Variants in KCNIP4 observed in about 807,000 individuals in gnomAD.
KCNIP4 encodes Kv channel-interacting protein 4.
In KCNIP4, 12 loss-of-function variants were observed where a neutral mutation model predicts 34.0. The ratio of observed to expected loss-of-function variants is 0.35; its 90% CI spans 0.23 to 0.57. The LOEUF (loss-of-function observed/expected upper bound fraction) is 0.57. KCNIP4 is among the 20% of genes least tolerant of loss of function. The pLI, the probability that KCNIP4 is intolerant of heterozygous loss-of-function variation, is 0.83. For synonymous variants in KCNIP4, 124 were observed against 102.2 expected, an observed-to-expected ratio of 1.21 and a Z score of -1.29; for missense variants, 238 against 311.7, an observed-to-expected ratio of 0.76 and a Z score of 1.78.
At chr4:21,928,811 C>G (rs1729408329) in intron 1 of KCNIP4, among the ~76,000 whole-genome samples, 1 of 151,892 alleles carries the variant, frequency 6.6e-6, no homozygotes, top group African/African-American at 2.4e-5. Flanking sequence ...CTCCCCAAAC[C>G]TAATTTATTC....
intron 1 of KCNIP4, among the ~76,000 whole-genome samples, chr4:21,675,274 A>G (rs1749801927): frequency 6.6e-6 from 1 of 152,158 alleles, no homozygotes; most frequent in Non-Finnish European, 1.5e-5. Flanking sequence ...TATAGAGAGT[A>G]GAATGTCGGT....
At chr4:21,883,981 C>A (rs1224268516) in intron 1 of KCNIP4, among the ~76,000 whole-genome samples, 2 of 152,066 alleles carry the variant, frequency 1.3e-5, no homozygotes, top group Non-Finnish European at 2.9e-5. Flanking sequence ...CACATCATCA[C>A]TTGCTGGGAA....
chr4:21,789,282 T>C (rs1720118656), intron 1 of KCNIP4, among the ~76,000 whole-genome samples: 1 of 152,170 alleles, frequency 6.6e-6, no homozygotes, highest in African/African-American at 2.4e-5. Context: ...TGGGAATGAT[T>C]GTGTCTTTCA....
intron 1 of KCNIP4, among the ~76,000 whole-genome samples, chr4:21,596,093 T>C (rs1289448612): frequency 6.6e-6 from 1 of 152,108 alleles, no homozygotes; most frequent in Non-Finnish European, 1.5e-5. Context: ...CCAACTCTCT[T>C]AATTGTTCAG....
intron 5 of KCNIP4, among the ~76,000 whole-genome samples, chr4:20,748,289 G>C (rs746700918): frequency 3.3e-5 from 5 of 151,926 alleles, no homozygotes; most frequent in Non-Finnish European, 7.4e-5. Context: ...TCCCAGGCCT[G>C]ATATACTCTG....
intron 1 of KCNIP4, among the ~76,000 whole-genome samples, chr4:21,775,896 C>T (rs1719140444): frequency 6.6e-6 from 1 of 152,146 alleles, no homozygotes; most frequent in South Asian, 2.1e-4. Context: ...GTTGTGAGTC[C>T]CAGCGCTGGC....
intron 1 of KCNIP4, among the ~76,000 whole-genome samples, chr4:21,526,923 T>C (rs1736020240): frequency 6.6e-6 from 1 of 152,202 alleles, no homozygotes; most frequent in Non-Finnish European, 1.5e-5. Flanking sequence ...TTATCAGATA[T>C]AACCCACAAC....
At chr4:21,150,570 T>C (rs1425286714) in intron 1 of KCNIP4, among the ~76,000 whole-genome samples, 1 of 152,210 alleles carries the variant, frequency 6.6e-6, no homozygotes, top group Non-Finnish European at 1.5e-5. Context: ...TTTGCATGTA[T>C]GCATTGGAGG....
At chr4:21,331,001 T>C (rs1715577605) in intron 1 of KCNIP4, among the ~76,000 whole-genome samples, 1 of 152,184 alleles carries the variant, frequency 6.6e-6, no homozygotes, top group Non-Finnish European at 1.5e-5. Context: ...GATTAACTCC[T>C]AATTTGTTCC....
chr4:21,473,721 T>C (rs1269316444), intron 1 of KCNIP4, among the ~76,000 whole-genome samples: 3 of 151,740 alleles, frequency 2.0e-5, no homozygotes, highest in Non-Finnish European at 4.4e-5. Context: ...AATTCTTTTT[T>C]TTTTTTTTTT....
chr4:21,556,922 G>GAAAAAAAAAAAAAAAAAAAAAAAAAA (rs1253971751), intron 1 of KCNIP4, among the ~76,000 whole-genome samples: 1 of 70,846 alleles, frequency 1.4e-5, no homozygotes, highest in Non-Finnish European at 2.7e-5. Flanking sequence ...CTCCATCTCA[G>GAAAAAAAAAAAAAAAAAAAAAAAAAA]AAAAAAAAAA....
At chr4:21,234,373 AC>A (rs1278341262) in intron 1 of KCNIP4, among the ~76,000 whole-genome samples, 1 of 110,248 alleles carries the variant, frequency 9.1e-6, no homozygotes, top group Non-Finnish European at 1.8e-5. Flanking sequence ...ATAATATATA[AC>A]ATACATCATA....
At chr4:20,798,765 C>A (rs1186707716) in intron 3 of KCNIP4, among the ~76,000 whole-genome samples, 1 of 152,084 alleles carries the variant, frequency 6.6e-6, no homozygotes, top group African/African-American at 2.4e-5. Flanking sequence ...ATAAAGACGA[C>A]CCCAGCAATT....
At chr4:20,752,477 C>T (rs1326737290) in intron 4 of KCNIP4, 2 of 152,216 alleles carry the variant, frequency 1.3e-5, no homozygotes, top group Non-Finnish European at 2.9e-5. Context: ...AGGCAAGCCA[C>T]TTTTATTTCA....
chr4:21,921,096 C>T (rs1164206526), intron 1 of KCNIP4, among the ~76,000 whole-genome samples: 1 of 152,070 alleles, frequency 6.6e-6, no homozygotes, highest in Non-Finnish European at 1.5e-5. Context: ...AATTTTACTT[C>T]TTTTACTCTG....
chr4:21,819,617 A>G (rs985035155), intron 1 of KCNIP4, among the ~76,000 whole-genome samples: 1 of 152,218 alleles, frequency 6.6e-6, no homozygotes, highest in Non-Finnish European at 1.5e-5. Flanking sequence ...AAAAAGAAGA[A>G]GAATCTCAGA....
At chr4:21,630,750 T>C (rs1745708033) in intron 1 of KCNIP4, among the ~76,000 whole-genome samples, 1 of 152,184 alleles carries the variant, frequency 6.6e-6, no homozygotes, top group Admixed American at 6.5e-5. Context: ...TGATGCCCTC[T>C]TCATCCAATG....
intron 3 of KCNIP4, among the ~76,000 whole-genome samples, chr4:20,801,390 G>A (rs189953476): frequency 2.0e-5 from 3 of 152,072 alleles, no homozygotes; most frequent in South Asian, 4.2e-4. Flanking sequence ...GTCAAGTTCA[G>A]AATACTCCAG....
At chr4:21,488,755 A>G (rs1264063270) in intron 1 of KCNIP4, among the ~76,000 whole-genome samples, 1 of 152,126 alleles carries the variant, frequency 6.6e-6, no homozygotes, top group Non-Finnish European at 1.5e-5. Flanking sequence ...GATTCCAGAA[A>G]GCAGAGAAAA....
Sources: gnomAD v4.1 joint callset for allele counts (sites outside exome capture counted in the v4.1 genomes callset) on GRCh38, gnomAD v4.1.1 for gene constraint, MANE v1.5 for transcripts, NCBI Gene and HGNC (gene_info 2026-07-23, HGNC 2026-07-21) for gene names.